Variants in DOP1B observed in about 807,000 individuals in gnomAD.
DOP1B encodes the protein protein DOP1B.
A neutral mutation model predicts 233.5 loss-of-function variants in DOP1B; 174 were observed. That is an observed-to-expected ratio of 0.75 (90% confidence interval 0.66 to 0.85). DOP1B has a LOEUF of 0.85. DOP1B is among the 40% of genes least tolerant of loss of function. The probability of loss-of-function intolerance (pLI) is 0.00; values close to 1 mark genes in which losing one functional copy is unlikely to be tolerated. For synonymous variants in DOP1B, 1,190 were observed against 1,185.6 expected (o/e 1.00, Z -0.08); for missense variants, 2,652 against 2,846.6 (o/e 0.93, Z 1.56).
At position 36,278,422 on chromosome 21, in the gene DOP1B, A is replaced by G. The variant is rs2067379329; in HGVS notation, c.5969+67A>G. The G allele has an allele frequency of 3.3e-6, 5 of 1,515,530 alleles. No homozygotes were observed. The Admixed American group carries it at 7.8e-5, about 24-fold the overall frequency. The allele number at this position is 1,515,530 out of a possible 1,614,324, so 93.9% of individuals were successfully genotyped here. ...AGGTGGAAATGGCATTTTGGTTTACAGAATTCTCATTCCTGAAATAGAAGC... is the reference window on the plus strand; with the variant it reads ...AGGTGGAAATGGCATTTTGGTTTACGGAATTCTCATTCCTGAAATAGAAGC... On this transcript the variant is annotated intron_variant, in intron 30 of 36. Coordinates refer to ENST00000691173, the MANE Select transcript of DOP1B (RefSeq NM_001320714.2).
At position 36,231,146 on chromosome 21, in the gene DOP1B, C is replaced by T; in HGVS notation, c.2350+12C>T. ...CTTCCAGCTGCCAGGTGAGAGGCAG[C>T]CCTGCCGAAGTCCCTCTTTGGGAAT... On this transcript the variant is annotated intron_variant, in intron 14 of 36. Coordinates refer to ENST00000691173, the MANE Select transcript of DOP1B (RefSeq NM_001320714.2). The T allele has an allele frequency of 6.4e-7, 1 of 1,563,148 alleles. No individual in the cohort carries two copies. The highest frequency in any genetic ancestry group is 8.7e-7 in the Non-Finnish European group (1 of 1,151,722).
chr21:36,264,296 A>G (rs1461393877), intron 26 of DOP1B, among the ~76,000 whole-genome samples: 2 of 152,072 alleles, frequency 1.3e-5, no homozygotes, highest in East Asian at 1.9e-4. Flanking sequence ...AGCTACACCT[A>G]TAGTCCCAGC....
At chr21:36,225,462 C>T (rs1306361949) in intron 11 of DOP1B, 103 bp from the exon 12 acceptor site, 1 of 1,286,240 alleles carries the variant, frequency 7.8e-7, no homozygotes, top group East Asian at 2.4e-5. Context: ...GACTCCTGAG[C>T]TCAGACAGTC....
chr21:36,196,269 C>G (rs1218243337), intron 2 of DOP1B, among the ~76,000 whole-genome samples: 1 of 152,176 alleles, frequency 6.6e-6, no homozygotes, highest in East Asian at 1.9e-4. Context: ...GCTCTTGAAT[C>G]CATGGAGAAA....
chr21:36,209,017 A>C, intron 5 of DOP1B, 113 bp downstream of exon 5: 2 of 1,231,488 alleles, frequency 1.6e-6, no homozygotes, highest in East Asian at 3.0e-5. Context: ...AGGGAGGTGC[A>C]CCAAGCTTAA....
intron 2 of DOP1B, among the ~76,000 whole-genome samples, chr21:36,172,099 G>A (rs2065976148): frequency 6.6e-6 from 1 of 152,166 alleles, no homozygotes; most frequent in African/African-American, 2.4e-5. Flanking sequence ...GCATGGGCCT[G>A]TGTCCAAGGC....
intron 32 of DOP1B, among the ~76,000 whole-genome samples, chr21:36,283,235 CATGT>C (rs1378586604): frequency 3.9e-5 from 6 of 152,088 alleles, no homozygotes; most frequent in Admixed American, 3.9e-4. Flanking sequence ...CACCCACCAC[CATGT>C]CCGGCTAATT....
chr21:36,207,166 T>A (rs1257191360), intron 4 of DOP1B, among the ~76,000 whole-genome samples: 1 of 149,594 alleles, frequency 6.7e-6, no homozygotes, highest in Non-Finnish European at 1.5e-5. Flanking sequence ...TGGGTTGAGT[T>A]TTTTTTTTTT....
Position 36,277,161 on chromosome 21 carries a change from A to G in DOP1B, c.5712+61A>G. Reference sequence around the variant, plus strand: ...ATGAGCGCCATCACGAATTGTTGCAAAGACATTTGTTCATTCCCAGGTGCC... The same window carrying G: ...ATGAGCGCCATCACGAATTGTTGCAGAGACATTTGTTCATTCCCAGGTGCC... On this transcript the variant is annotated intron_variant, in intron 28 of 36. Coordinates refer to ENST00000691173, the MANE Select transcript of DOP1B (RefSeq NM_001320714.2). 1.9e-6 allele frequency: 3 copies of G among 1,569,260 alleles called. No homozygotes were observed. In the East Asian group the frequency reaches 6.7e-5, roughly 35 times the overall value.
intron 29 of DOP1B, 26 bp from the exon 30 acceptor site, chr21:36,278,183 C>T (rs2067375495): frequency 1.2e-6 from 2 of 1,613,512 alleles, no homozygotes; most frequent in Non-Finnish European, 1.7e-6. Flanking sequence ...TGACCTTGAC[C>T]CTTCTCTCTT....
At position 36,278,364 on chromosome 21, in the gene DOP1B, T is replaced by C. The variant is rs758763819; in HGVS notation, c.5969+9T>C. 8.1e-6 allele frequency: 13 copies of C among 1,605,750 alleles called. No individual in the cohort carries two copies. The highest frequency in any genetic ancestry group is 1.1e-5 in the Non-Finnish European group (13 of 1,178,260). On this transcript the variant is annotated intron_variant, in intron 30 of 36. Coordinates refer to ENST00000691173, the MANE Select transcript of DOP1B (RefSeq NM_001320714.2). ...GATACTTCCTGTGTTCAGTAAGATATGCTGTCCTGATAACAACGTGCTCTG... is the reference window on the plus strand; with the variant it reads ...GATACTTCCTGTGTTCAGTAAGATACGCTGTCCTGATAACAACGTGCTCTG...
chr21:36,237,502 A>C, intron 16 of DOP1B, 88 bp downstream of exon 16: 5 of 1,537,042 alleles, frequency 3.3e-6, no homozygotes, highest in Non-Finnish European at 4.4e-6. Context: ...ATTCGGTCGA[A>C]GTCTTTCTGG....
chr21:36,202,622 A>G (rs776552238), intron 4 of DOP1B, among the ~76,000 whole-genome samples: 14 of 152,264 alleles, frequency 9.2e-5, no homozygotes, highest in Non-Finnish European at 1.6e-4. Context: ...GCTCTATATC[A>G]GGACTTGACA....
chr21:36,237,651 A>G (rs540411220), intron 16 of DOP1B, among the ~76,000 whole-genome samples: 13 of 152,220 alleles, frequency 8.5e-5, no homozygotes, highest in Non-Finnish European at 1.9e-4. Context: ...TCACCAGGGA[A>G]ACCTGCCCAA....
chr21:36,165,052 CAAT>C (rs2123389674), intron 2 of DOP1B, among the ~76,000 whole-genome samples, 181 bp downstream of exon 2: 1 of 151,746 alleles, frequency 6.6e-6, no homozygotes, highest in East Asian at 1.9e-4. Context: ...ATGATGATTA[CAAT>C]AATTAGAAAA....
intron 9 of DOP1B, among the ~76,000 whole-genome samples, chr21:36,218,418 G>A (rs377664189): frequency 3.3e-5 from 5 of 152,078 alleles, no homozygotes; most frequent in African/African-American, 1.2e-4. Context: ...AGCTGCTTGG[G>A]TGGCTAAGGC....
At chr21:36,179,217 T>G (rs1257275663) in intron 2 of DOP1B, among the ~76,000 whole-genome samples, 1 of 152,218 alleles carries the variant, frequency 6.6e-6, no homozygotes, top group Non-Finnish European at 1.5e-5. Flanking sequence ...TTCCCATTAG[T>G]GGACATTTGG....
Position 36,278,030 on chromosome 21 carries a change from T to C in DOP1B, c.5768T>C (p.Val1923Ala). ...VYRSDEKEKA[V>A]PLISRLLYYV... ...CGAAGTGATGAGAAGGAGAAAGCTG[T>C]GCCGTTAATCTCCCGTCTGCTTTAC... Residue 1923 changes from valine to alanine, a missense_variant, in exon 29 of 37, where the codon GTG becomes GCG. Physicochemically the swap from Val to Ala is moderately conservative, Grantham distance 64. Coordinates refer to ENST00000691173, the MANE Select transcript of DOP1B (RefSeq NM_001320714.2). 6.2e-7 allele frequency: 1 copy of C among 1,614,202 alleles called. No individual in the cohort carries two copies. Among genetic ancestry groups the C allele is most frequent in the Admixed American group, 1.7e-5 (1 of 59,998 alleles).
At chr21:36,283,284 T>C (rs1423712985) in intron 32 of DOP1B, among the ~76,000 whole-genome samples, 3 of 152,100 alleles carry the variant, frequency 2.0e-5, no homozygotes, top group Non-Finnish European at 4.4e-5. Context: ...GGTTTCACCA[T>C]GTTGGCCAGG....
Sources: gnomAD v4.1 joint callset for allele counts (sites outside exome capture counted in the v4.1 genomes callset) on GRCh38, gnomAD v4.1.1 for gene constraint, MANE v1.5 for transcripts, NCBI Gene and HGNC (gene_info 2026-07-23, HGNC 2026-07-21) for gene names.